Variants in GNPTAB observed in about 807,000 individuals in gnomAD.
The protein encoded by GNPTAB is N-acetylglucosamine-1-phosphotransferase subunits alpha/beta.
Under a neutral mutation model 136.6 loss-of-function variants are expected in GNPTAB, and 92 were observed. The ratio of observed to expected loss-of-function variants is 0.67; its 90% CI spans 0.57 to 0.80. The LOEUF (loss-of-function observed/expected upper bound fraction) is 0.80. Among genes scored for constraint, GNPTAB ranks in the 30% least tolerant of loss-of-function variants. The pLI, the probability that GNPTAB is intolerant of heterozygous loss-of-function variation, is 0.00. For missense variants in GNPTAB, 1,343 were observed against 1,501.8 expected, an observed-to-expected ratio of 0.89 and a Z score of 1.75; for synonymous variants, 512 against 535.1, an observed-to-expected ratio of 0.96 and a Z score of 0.60.
Position 101,766,290 on chromosome 12 carries a change from G to C in GNPTAB, c.1413C>G (p.Asn471Lys), listed in dbSNP as rs747462356. 6.2e-7 allele frequency: 1 copy of C among 1,612,766 alleles called. No individual in the cohort carries two copies. Among genetic ancestry groups the C allele is most frequent in the South Asian group, 1.1e-5 (1 of 91,046 alleles). ...CTGCAATATAGCGACTCCCTCCACT[G>C]TTTCCTGTAGATCGGAGGAAGAAGA... is the stretch of plus-strand genomic sequence containing the variant. Reference protein sequence around the residue: ...CDWDGGDCSGNSGGSRYIAGG... With the variant: ...CDWDGGDCSGKSGGSRYIAGG... Residue 471 changes from asparagine to lysine, a missense_variant, in exon 12 of 21, where the codon AAC becomes AAG. Physicochemically the swap from Asn to Lys is moderately conservative, Grantham distance 94. Transcript: ENST00000299314.
At chr12:101,805,330 A>C (rs1869875478) in intron 1 of GNPTAB, among the ~76,000 whole-genome samples, 2 of 152,204 alleles carry the variant, frequency 1.3e-5, no homozygotes, top group South Asian at 4.1e-4. Context: ...ATACACCAAG[A>C]AGAGGACTTT....
At chr12:101,821,219 T>C (rs1870778762) in intron 1 of GNPTAB, among the ~76,000 whole-genome samples, 1 of 152,194 alleles carries the variant, frequency 6.6e-6, no homozygotes, top group Admixed American at 6.5e-5. Flanking sequence ...ACCACCAGAA[T>C]ATAAGCTCCT....
At chr12:101,805,141 TAGTAAACC>T (rs1382310253) in intron 1 of GNPTAB, among the ~76,000 whole-genome samples, 1 of 152,230 alleles carries the variant, frequency 6.6e-6, no homozygotes, top group Non-Finnish European at 1.5e-5. Flanking sequence ...TTAGTATAAT[TAGTAAACC>T]AGAAGCCAAA....
intron 1 of GNPTAB, among the ~76,000 whole-genome samples, chr12:101,800,446 G>A (rs1048789941): frequency 5.9e-5 from 9 of 151,674 alleles, no homozygotes; most frequent in Non-Finnish European, 1.5e-5. Flanking sequence ...AGATCTTTTG[G>A]GTCCGCAAAC....
intron 1 of GNPTAB, among the ~76,000 whole-genome samples, chr12:101,799,517 G>A (rs1247095136): frequency 6.6e-6 from 1 of 152,184 alleles, no homozygotes; most frequent in Non-Finnish European, 1.5e-5. Context: ...AAAGCAGGAA[G>A]GGAAGGGACA....
At chr12:101,790,297 T>G (rs972897068) in intron 2 of GNPTAB, among the ~76,000 whole-genome samples, 3 of 152,202 alleles carry the variant, frequency 2.0e-5, no homozygotes, top group Non-Finnish European at 4.4e-5. Context: ...CATCACCTGA[T>G]GCACACAGCC....
Position 101,765,935 on chromosome 12 carries a change from T to G in GNPTAB, c.1612+156A>C, listed in dbSNP as rs560512079. ...GGAAAAGATCCTCTTCAGTGATTTA[T>G]GTTGTTCTCTTACTTTCATAACTAG... On this transcript the variant is annotated intron_variant, in intron 12 of 20. Coordinates refer to ENST00000299314, the MANE Select transcript of GNPTAB (RefSeq NM_024312.5). 13 of 709,886 alleles carry G rather than the reference T, an allele frequency of 1.8e-5. No individual in the cohort carries two copies. In the African/African-American group the frequency reaches 1.9e-4, roughly 11 times the overall value. The allele number at this position is 709,886 out of a possible 1,614,324, so 44.0% of individuals were successfully genotyped here.
intron 1 of GNPTAB, among the ~76,000 whole-genome samples, chr12:101,814,192 G>A (rs1447465941): frequency 6.6e-6 from 1 of 152,020 alleles, no homozygotes; most frequent in African/African-American, 2.4e-5. Flanking sequence ...CCAGCTACCG[G>A]TGAGGCTCGG....
At chr12:101,775,599 A>C (rs1285114132) in intron 7 of GNPTAB, among the ~76,000 whole-genome samples, 1 of 151,914 alleles carries the variant, frequency 6.6e-6, no homozygotes, top group Non-Finnish European at 1.5e-5. Flanking sequence ...TCCTGACCTC[A>C]TGATCTGCCC....
chr12:101,771,990 G>A (rs566951606), intron 7 of GNPTAB, among the ~76,000 whole-genome samples: 20 of 152,338 alleles, frequency 1.3e-4, no homozygotes, highest in Admixed American at 7.2e-4. Flanking sequence ...TGCCTGGGAG[G>A]AGCACCTTCG....
At chr12:101,797,786 C>G (rs759771696) in intron 1 of GNPTAB, among the ~76,000 whole-genome samples, 1 of 152,136 alleles carries the variant, frequency 6.6e-6, no homozygotes, top group Admixed American at 6.5e-5. Flanking sequence ...AATCTATAAA[C>G]CTACCCACAC....
At chr12:101,804,230 A>G (rs1476273986) in intron 1 of GNPTAB, among the ~76,000 whole-genome samples, 9 of 152,090 alleles carry the variant, frequency 5.9e-5, no homozygotes, top group Admixed American at 5.9e-4. Context: ...CAAAACAAAA[A>G]AAGTATTGCT....
intron 12 of GNPTAB, 162 bp downstream of exon 12, chr12:101,765,929 G>C (rs1363577628): frequency 2.9e-6 from 2 of 688,816 alleles, no homozygotes; most frequent in Non-Finnish European, 5.2e-6. Flanking sequence ...CCTCTTCAGT[G>C]ATTTATGTTG....
At position 101,786,011 on chromosome 12, in the gene GNPTAB, C is replaced by G. The variant is rs1412230289; in HGVS notation, c.571+1G>C. The G allele has an allele frequency of 6.2e-7, 1 of 1,600,882 alleles. No homozygotes were observed. The highest frequency in any genetic ancestry group is 8.6e-7 in the Non-Finnish European group (1 of 1,168,316). ...TTAAAATATCCATAAAAAGATCTTA[C>G]CATCCTTAGTACTGTCAAAAACAAC... is the stretch of plus-strand genomic sequence containing the variant. On this transcript the variant is annotated splice_donor_variant, in intron 5 of 20. Coordinates refer to ENST00000299314, the MANE Select transcript of GNPTAB (RefSeq NM_024312.5). LOFTEE classifies it high-confidence loss of function.
At chr12:101,755,915 T>C (rs532962153) in intron 18 of GNPTAB, among the ~76,000 whole-genome samples, 3 of 152,270 alleles carry the variant, frequency 2.0e-5, no homozygotes, top group East Asian at 1.9e-4. Flanking sequence ...AACTTTCAAA[T>C]TGGCACAAAG....
In GNPTAB at chr12:101,764,906, TG is replaced by T; in HGVS notation, c.2010del (p.Glu672LysfsTer22). On this transcript the variant is annotated frameshift_variant, in exon 13 of 21. Transcript: ENST00000299314. LOFTEE classifies it high-confidence loss of function. ...PEAEILFEDI[P>X]KEKRFPKFKR... ...TTAAACTTCGGGAAGCGTTTTTCTTTGGGAATATCCTCAAAAAGGATTTCCG... is the reference window on the plus strand; with the variant it reads ...TTAAACTTCGGGAAGCGTTTTTCTTTGGAATATCCTCAAAAAGGATTTCCG... 6.2e-7 allele frequency: 1 copy of T among 1,614,204 alleles called. No individual in the cohort carries two copies. Among genetic ancestry groups the T allele is most frequent in the Non-Finnish European group, 8.5e-7 (1 of 1,180,018 alleles).
Position 101,760,011 on chromosome 12 carries a change from A to G in GNPTAB, c.3249+19T>C, listed in dbSNP as rs1952967335. 7.3e-7 allele frequency: 1 copy of G among 1,373,024 alleles called. No individual in the cohort carries two copies. Among genetic ancestry groups the G allele is most frequent in the Non-Finnish European group, 1.0e-6 (1 of 960,662 alleles). 85.1% of individuals were successfully genotyped at this position (1,373,024 alleles called of 1,614,324 possible). On this transcript the variant is annotated intron_variant, in intron 16 of 20. Coordinates refer to ENST00000299314, the MANE Select transcript of GNPTAB (RefSeq NM_024312.5). ...GGATGTACTTTCTGTTGTACATAAA[A>G]GTAACCCATTCCACTTACCAGGTTG...
Position 101,764,393 on chromosome 12 carries a change from G to A in GNPTAB, c.2524C>T (p.Leu842=). ...KEKPPSLIVP[L]ESQMTKEKKI... ...TTTTCTTTTGTCATCTGGCTTTCCA[G>A]TGGAACAATCAGAGATGGGGGCTTT... The change falls in exon 13 of 21, where the codon CTG becomes TTG. Residue 842 remains leucine (L), a synonymous_variant. Coordinates refer to ENST00000299314, the MANE Select transcript of GNPTAB (RefSeq NM_024312.5). 1.2e-6 allele frequency: 2 copies of A among 1,613,772 alleles called. No homozygotes were observed. The highest frequency in any genetic ancestry group is 1.7e-6 in the Non-Finnish European group (2 of 1,180,024).
chr12:101,824,435 TTC>T (rs1566103122), intron 1 of GNPTAB, among the ~76,000 whole-genome samples: 124 of 110,300 alleles, frequency 1.1e-3, no homozygotes, highest in African/African-American at 4.2e-3. Context: ...TATATATATT[TTC>T]TTTTTTTTTT....
Sources: gnomAD v4.1 joint callset for allele counts (sites outside exome capture counted in the v4.1 genomes callset) on GRCh38, gnomAD v4.1.1 for gene constraint, MANE v1.5 for transcripts, NCBI Gene and HGNC (gene_info 2026-07-23, HGNC 2026-07-21) for gene names.